Variants in ZNF407 observed in about 807,000 individuals in gnomAD.
The protein encoded by ZNF407 is zinc finger protein 407.
In ZNF407, 17 loss-of-function variants were observed where a neutral mutation model predicts 131.2. The observed-to-expected ratio is 0.13, with a 90% CI of 0.09 to 0.19. The LOEUF (loss-of-function observed/expected upper bound fraction) is 0.19, where lower values mean the gene tolerates loss of function less well. Ranked by LOEUF, ZNF407 falls within the 10% of genes least tolerant of loss-of-function variation. The pLI is 1.00. For synonymous variants in ZNF407, 1,156 were observed against 1,062.0 expected (o/e 1.09, Z -1.72); for missense variants, 2,681 against 2,830.6 (o/e 0.95, Z 1.20).
At chr18:74,845,086 G>A (rs1024833027) in intron 4 of ZNF407, among the ~76,000 whole-genome samples, 5 of 152,268 alleles carry the variant, frequency 3.3e-5, no homozygotes, top group Non-Finnish European at 7.3e-5. Flanking sequence ...CAGGGTGCCC[G>A]GCTTGAAGGC....
At chr18:74,629,533 T>G (rs547865617) in intron 1 of ZNF407, among the ~76,000 whole-genome samples, 11 of 152,292 alleles carry the variant, frequency 7.2e-5, no homozygotes, top group Non-Finnish European at 7.4e-5. Context: ...AAGCATAGTG[T>G]CTTTTGAAGT....
rs569396809 is a variant in ZNF407, at chr18:74,726,907, A to G, written c.4803-54521A>G. Among the ~76,000 whole-genome samples the G allele has an allele frequency of 2.0e-3, 298 of 152,250 alleles. 5 individuals carry two copies. The highest frequency in any genetic ancestry group is 6.4e-3 in the African/African-American group (265 of 41,544). On this transcript the variant is annotated intron_variant, in intron 3 of 8. Transcript: ENST00000299687. ...CATGTGCAGTATTTCGGTGCATCTT[A>G]TTGGAGGTGAGAAGATCTTTAGACA... is the stretch of plus-strand genomic sequence containing the variant.
chr18:74,703,337 C>G lies in ZNF407; in HGVS notation c.4802+62215C>G, dbSNP rs1341101935. On this transcript the variant is annotated intron_variant, in intron 3 of 8. Transcript: ENST00000299687. The surrounding 1 kb of genome is among the most constrained non-coding windows in gnomAD (Gnocchi z 4.1). Reference sequence around the variant, plus strand: ...CAGAGAGTTTTAGATCTCTCTCTCTCTCTCCCCATGTGTGTCTCTGTCTCT... The same window carrying G: ...CAGAGAGTTTTAGATCTCTCTCTCTGTCTCCCCATGTGTGTCTCTGTCTCT... Among the ~76,000 whole-genome samples, 4 of 151,834 alleles carry G rather than the reference C, an allele frequency of 2.6e-5. No individual in the cohort carries two copies. Among genetic ancestry groups the G allele is most frequent in the African/African-American group, 9.7e-5 (4 of 41,224 alleles).
intron 8 of ZNF407, among the ~76,000 whole-genome samples, chr18:75,019,816 C>T (rs1283667833): frequency 1.3e-5 from 2 of 152,034 alleles, no homozygotes; most frequent in East Asian, 1.9e-4. Context: ...TAACACCTTC[C>T]CATGGTGGCA....
At chr18:74,994,016 A>G (rs1482233791) in intron 8 of ZNF407, among the ~76,000 whole-genome samples, 1 of 152,202 alleles carries the variant, frequency 6.6e-6, no homozygotes, top group Non-Finnish European at 1.5e-5. Context: ...CTGCGCCAGA[A>G]TTTCTTCTTC....
rs559799560 is a variant in ZNF407, at chr18:74,823,453, T to A, written c.4877+41951T>A. On this transcript the variant is annotated intron_variant, in intron 4 of 8. Coordinates refer to ENST00000299687, the MANE Select transcript of ZNF407 (RefSeq NM_017757.3). The stretch of plus-strand genomic sequence containing the variant: ...AGAGTCAAGACCCATTGGTGTGCTG[T>A]ATTCAGGAGACCTATCTCACATGCA... 1.5e-4 allele frequency among the ~76,000 whole-genome samples: 23 copies of A among 152,216 alleles called. No homozygotes were observed. In the East Asian group the frequency reaches 2.7e-3, roughly 18 times the overall value.
intron 8 of ZNF407, among the ~76,000 whole-genome samples, chr18:74,922,788 A>G (rs1273507703): frequency 1.3e-5 from 2 of 152,180 alleles, no homozygotes; most frequent in Non-Finnish European, 1.5e-5. Context: ...AGAGTCTAGG[A>G]GTTTGAATGA....
intron 3 of ZNF407, among the ~76,000 whole-genome samples, chr18:74,700,518 C>A (rs1409249122): frequency 6.6e-6 from 1 of 152,182 alleles, no homozygotes; most frequent in Non-Finnish European, 1.5e-5. Flanking sequence ...TTTATTATTT[C>A]ATTTCCTCTA....
At chr18:74,987,455 C>T (rs1053918224) in intron 8 of ZNF407, among the ~76,000 whole-genome samples, 1 of 152,172 alleles carries the variant, frequency 6.6e-6, no homozygotes, top group Non-Finnish European at 1.5e-5. Flanking sequence ...TCTCCTCCAA[C>T]AAGAATGTGT....
intron 4 of ZNF407, chr18:74,804,044 A>G (rs2145075960): frequency 6.4e-7 from 1 of 1,551,526 alleles, no homozygotes; most frequent in Non-Finnish European, 8.7e-7. Context: ...TCTGAAGCCC[A>G]AAGTCTTTGT....
chr18:74,977,570 G>C (rs1972541661), intron 8 of ZNF407, among the ~76,000 whole-genome samples: 1 of 152,182 alleles, frequency 6.6e-6, no homozygotes, highest in South Asian at 2.1e-4. Context: ...GAATAGGAGA[G>C]GAAGAAGATT....
At chr18:74,649,181 C>G (rs1046483023) in intron 3 of ZNF407, among the ~76,000 whole-genome samples, 2 of 152,180 alleles carry the variant, frequency 1.3e-5, no homozygotes. Context: ...GTCCTATTTA[C>G]TGCTGAGGTA....
At chr18:74,832,147 A>G (rs986896180) in intron 4 of ZNF407, among the ~76,000 whole-genome samples, 1 of 152,190 alleles carries the variant, frequency 6.6e-6, no homozygotes, top group Non-Finnish European at 1.5e-5. Flanking sequence ...ACCTTGAGGC[A>G]TGATTTTCCT....
intron 3 of ZNF407, among the ~76,000 whole-genome samples, chr18:74,704,909 A>G (rs1967588682): frequency 6.6e-6 from 1 of 152,228 alleles, no homozygotes; most frequent in Non-Finnish European, 1.5e-5. Context: ...AATATGTCTC[A>G]TTAATAGTAG....
chr18:74,600,398 ACT>A (rs1250639842), intron 1 of ZNF407, among the ~76,000 whole-genome samples: 4 of 151,754 alleles, frequency 2.6e-5, no homozygotes, highest in African/African-American at 9.7e-5. Flanking sequence ...TGGACTGTTG[ACT>A]CTCTTCTACC....
chr18:74,621,059 C>T (rs947106924), intron 1 of ZNF407, among the ~76,000 whole-genome samples: 16 of 124,454 alleles, frequency 1.3e-4, no homozygotes, highest in Non-Finnish European at 2.3e-4. Context: ...GATATTTCTC[C>T]ATTTCCATAT....
intron 4 of ZNF407, among the ~76,000 whole-genome samples, chr18:74,854,815 C>T (rs1405419277): frequency 6.6e-6 from 1 of 151,848 alleles, no homozygotes; most frequent in Non-Finnish European, 1.5e-5. Flanking sequence ...GAACCGCTGC[C>T]TTTGAAGTGT....
chr18:74,645,801 T>G (rs1425176824), intron 3 of ZNF407, among the ~76,000 whole-genome samples: 1 of 152,148 alleles, frequency 6.6e-6, no homozygotes, highest in African/African-American at 2.4e-5. Flanking sequence ...ATGTCTGTAC[T>G]AGGCAATTAA....
chr18:74,923,921 G>C (rs961457706), intron 8 of ZNF407, among the ~76,000 whole-genome samples: 6 of 151,736 alleles, frequency 4.0e-5, no homozygotes, highest in African/African-American at 7.3e-5. Flanking sequence ...GTAATTATTG[G>C]TATATTCATC....
Sources: allele counts gnomAD v4.1 joint callset (sites outside exome capture counted in the v4.1 genomes callset), GRCh38; gene constraint gnomAD v4.1.1; non-coding constraint Gnocchi (gnomAD v3.1); transcripts MANE v1.5; gene names NCBI Gene and HGNC (gene_info 2026-07-23, HGNC 2026-07-21).